The following PWWP3A variants were observed in gnomAD, a reference collection of about 807,000 sequenced individuals.
The protein encoded by PWWP3A is PWWP domain containing 3A, DNA repair factor.
PWWP3A carries 53 observed loss-of-function variants against 79.0 expected under a neutral mutation model. The ratio of observed to expected loss-of-function variants is 0.67; its 90% CI spans 0.54 to 0.84. PWWP3A has a LOEUF of 0.84. Ranked by LOEUF, PWWP3A falls within the 40% of genes least tolerant of loss-of-function variation. The pLI is 0.00. For missense variants in PWWP3A, 973 were observed against 948.0 expected (o/e 1.03, Z -0.35); for synonymous variants, 443 against 394.4 (o/e 1.12, Z -1.46).
chr19:1,376,044 C>T (rs1009396833), intron 13 of PWWP3A, among the ~76,000 whole-genome samples: 9 of 150,578 alleles, frequency 6.0e-5, no homozygotes, highest in Non-Finnish European at 7.4e-5. Flanking sequence ...CTCCTGATCT[C>T]GTGATCCACC....
intron 13 of PWWP3A, chr19:1,373,469 C>T: frequency 5.0e-6 from 2 of 397,944 alleles, no homozygotes; most frequent in South Asian, 3.2e-5. Flanking sequence ...TTGCACTTTC[C>T]TCCCCTCTTT....
intron 7 of PWWP3A, among the ~76,000 whole-genome samples, chr19:1,364,780 A>C (rs2082093294): frequency 6.6e-6 from 1 of 152,170 alleles, no homozygotes; most frequent in Admixed American, 6.5e-5. Context: ...TGTTAAGTTG[A>C]TAGGCCACAT....
chr19:1,359,659 T>A (rs2081965966), intron 4 of PWWP3A: 1 of 152,508 alleles, frequency 6.6e-6, no homozygotes, highest in Non-Finnish European at 1.5e-5. Flanking sequence ...GTATTGAAAA[T>A]TTACCAGCCC....
intron 13 of PWWP3A, chr19:1,373,634 C>T (rs1043817832): frequency 6.3e-6 from 1 of 159,546 alleles, no homozygotes; most frequent in South Asian, 1.8e-4. Flanking sequence ...AGCGCCTAAT[C>T]CTGTCTCTGG....
chr19:1,366,850 CGAACGCGCA>C (rs1393905648), intron 8 of PWWP3A, among the ~76,000 whole-genome samples: 1 of 152,224 alleles, frequency 6.6e-6, no homozygotes, highest in Non-Finnish European at 1.5e-5. Flanking sequence ...ATCCCCAAGT[CGAACGCGCA>C]GAACCGGTGT....
intron 3 of PWWP3A, chr19:1,357,922 C>T (rs2081917970): frequency 6.2e-6 from 1 of 162,348 alleles, no homozygotes; most frequent in South Asian, 1.7e-4. Flanking sequence ...ATCTTCAGAG[C>T]TGCCTCTGAA....
At chr19:1,362,411 GGGGCTCCGAGACCGGGCCCCA>G (rs1235025130) in intron 6 of PWWP3A, 60 bp downstream of exon 6, 9 of 1,362,150 alleles carry the variant, frequency 6.6e-6, no homozygotes, top group Non-Finnish European at 8.2e-6. Flanking sequence ...CAGCGGCGGC[GGGGCTCCGAGACCGGGCCCCA>G]CATTCTCCAT....
intron 11 of PWWP3A, 31 bp from the exon 12 acceptor site, chr19:1,370,611 G>A (rs746199070): frequency 9.7e-6 from 14 of 1,439,868 alleles, no homozygotes; most frequent in African/African-American, 4.3e-5. Flanking sequence ...CAGCCCACGC[G>A]CTGGTCCCAC....
chr19:1,371,542 ACTGT>A lies in PWWP3A; in HGVS notation c.1986+469_1986+472del, dbSNP rs770324112. The A allele has an allele frequency of 3.0e-4, 187 of 615,792 alleles. 2 individuals are homozygous for A. In the Middle Eastern group the frequency reaches 4.8e-3, roughly 16 times the overall value. 38.1% of individuals were successfully genotyped at this position (615,792 alleles called of 1,614,324 possible). On this transcript the variant is annotated intron_variant, in intron 12 of 13. Coordinates refer to ENST00000591337, the MANE Select transcript of PWWP3A (RefSeq NM_001369789.1). ...GTGGTAAGTTAAACACACAAATTAGACTGTCTGTGATTTCGAACTTCAGCTGCGG... is the reference window on the plus strand; with the variant it reads ...GTGGTAAGTTAAACACACAAATTAGACTGTGATTTCGAACTTCAGCTGCGG...
chr19:1,364,230 C>G (rs1014842295), intron 6 of PWWP3A: 5 of 606,368 alleles, frequency 8.2e-6, no homozygotes, highest in African/African-American at 5.4e-5. Flanking sequence ...CGTGGCACCC[C>G]TCCCATCCCA....
In PWWP3A at chr19:1,361,045, C is replaced by A; in HGVS notation, c.1111+13C>A. ...AAGCTGGAGAAAGGTAAAAGTTTCT[C>A]GTGGAGGAGGAGAGCGCAGAGGGTG... is the stretch of plus-strand genomic sequence containing the variant. On this transcript the variant is annotated intron_variant, in intron 5 of 13. Coordinates refer to ENST00000591337, the MANE Select transcript of PWWP3A (RefSeq NM_001369789.1). The A allele has an allele frequency of 7.0e-7, 1 of 1,423,148 alleles. No homozygotes were observed. The highest frequency in any genetic ancestry group is 1.6e-5 in the South Asian group (1 of 64,096). 88.2% of individuals were successfully genotyped at this position (1,423,148 alleles called of 1,614,324 possible). A position where few individuals can be genotyped will look rare whatever the true frequency, so the allele number is the denominator to read the frequency against.
rs180751012 is a variant in PWWP3A at position 1,365,534 on chromosome 19, G to A, written c.1285-771G>A. Among the ~76,000 whole-genome samples the A allele has an allele frequency of 3.9e-4, 60 of 152,394 alleles. 2 individuals are homozygous for A. Among genetic ancestry groups the A allele is most frequent in the Admixed American group, 3.1e-3 (47 of 15,308 alleles). On this transcript the variant is annotated intron_variant, in intron 7 of 13. Coordinates refer to ENST00000591337, the MANE Select transcript of PWWP3A (RefSeq NM_001369789.1). ...TGACTGATTGTGGTTCCGGGAAACC[G>A]GGGATTGAATCTGTGTGGTGTTCGC...
At chr19:1,364,479 T>C in intron 6 of PWWP3A, 30 bp from the exon 7 acceptor site, 1 of 1,543,892 alleles carries the variant, frequency 6.5e-7, no homozygotes, top group Non-Finnish European at 8.8e-7. Flanking sequence ...TATTCTTTTT[T>C]TTTTGTTTTT....
chr19:1,366,226 C>A, intron 7 of PWWP3A, 79 bp from the exon 8 acceptor site: 1 of 1,423,142 alleles, frequency 7.0e-7, no homozygotes, highest in South Asian at 1.2e-5. Flanking sequence ...TTAGATGTAT[C>A]ATGTGATGTC....
chr19:1,360,136 C>T lies in PWWP3A; in HGVS notation c.215C>T (p.Ala72Val). The T allele has an allele frequency of 6.4e-7, 1 of 1,550,630 alleles. No individual in the cohort carries two copies. The highest frequency in any genetic ancestry group is 1.2e-5 in the South Asian group (1 of 80,778). Residue 72 changes from alanine to valine, a missense_variant and splice_region_variant, in exon 5 of 14, where the codon GCC becomes GTC. Coordinates refer to ENST00000591337, the MANE Select transcript of PWWP3A (RefSeq NM_001369789.1). This position sits in a 1 kb window ranked among gnomAD's most constrained non-coding sequence, Gnocchi z 4.4. The stretch of plus-strand genomic sequence containing the variant: ...CATTGTGTATGTTCGGTCCTTGCAG[C>T]CTCACAGAATGAGGTTCCTGCGGCA... ...SQIEAIASSL[A>V]SQNEVPAAPL...
At position 1,362,370 on chromosome 19, in the gene PWWP3A, G is replaced by A. The variant is rs1351633362; in HGVS notation, c.1213+19G>A. The A allele has an allele frequency of 1.2e-6, 2 of 1,604,594 alleles. No individual in the cohort carries two copies. Among genetic ancestry groups the A allele is most frequent in the Non-Finnish European group, 1.7e-6 (2 of 1,172,922 alleles). The stretch of plus-strand genomic sequence containing the variant: ...TACCACGGTAAGAAATGATCAGGGG[G>A]CGCCGGCAGTCCTAACGGTGCGCTC... On this transcript the variant is annotated intron_variant, in intron 6 of 13. Coordinates refer to ENST00000591337, the MANE Select transcript of PWWP3A (RefSeq NM_001369789.1).
At chr19:1,372,928 G>A (rs997287450) in intron 12 of PWWP3A, 144 bp from the exon 13 acceptor site, 1 of 636,210 alleles carries the variant, frequency 1.6e-6, no homozygotes, top group Non-Finnish European at 2.8e-6. Context: ...CATGGACTAG[G>A]TTTGCACCTT....
At chr19:1,376,274 C>T (rs535830704) in intron 13 of PWWP3A, among the ~76,000 whole-genome samples, 1 of 148,380 alleles carries the variant, frequency 6.7e-6, no homozygotes, top group African/African-American at 2.5e-5. Flanking sequence ...TACAGACATG[C>T]GCCACCACGC....
intron 7 of PWWP3A, 60 bp downstream of exon 7, chr19:1,364,639 T>G: frequency 1.6e-6 from 2 of 1,221,600 alleles, no homozygotes. Flanking sequence ...GAATTTTTAT[T>G]CCATCCATCT....
Sources: allele counts gnomAD v4.1 joint callset (sites outside exome capture counted in the v4.1 genomes callset), GRCh38; gene constraint gnomAD v4.1.1; non-coding constraint Gnocchi (gnomAD v3.1); transcripts MANE v1.5; gene names NCBI Gene and HGNC (gene_info 2026-07-23, HGNC 2026-07-21).